Variants in ATP11B observed in about 807,000 individuals in gnomAD.
The protein encoded by ATP11B is phospholipid-transporting ATPase IF.
A neutral mutation model predicts 157.8 loss-of-function variants in ATP11B; 81 were observed. That is an observed-to-expected ratio of 0.51 (90% CI 0.43 to 0.62). The LOEUF is 0.62. Among genes scored for constraint, ATP11B ranks in the 20% least tolerant of loss-of-function variants. The probability of loss-of-function intolerance (pLI) is 0.00; values close to 1 mark genes in which losing one functional copy is unlikely to be tolerated. For synonymous variants in ATP11B, 451 were observed against 469.4 expected, an observed-to-expected ratio of 0.96 and a Z score of 0.51; for missense variants, 1,165 against 1,402.2, an observed-to-expected ratio of 0.83 and a Z score of 2.70.
intron 10 of ATP11B, among the ~76,000 whole-genome samples, chr3:182,854,780 CACACACACACACACACACA>C (rs1328927467): frequency 1.3e-5 from 2 of 149,680 alleles, no homozygotes; most frequent in East Asian, 2.0e-4. Context: ...CACACACACA[CACACACACACACACACACA>C]CCTGCCTACA....
At chr3:182,867,351 A>G (rs1321883115) in intron 14 of ATP11B, 25 bp from the exon 15 acceptor site, 5 of 1,463,206 alleles carry the variant, frequency 3.4e-6, no homozygotes, top group Non-Finnish European at 4.8e-6. Flanking sequence ...CTTAAGTCTC[A>G]CTTTTTTATC....
intron 4 of ATP11B, among the ~76,000 whole-genome samples, chr3:182,834,837 G>C (rs1718422547): frequency 6.6e-6 from 1 of 152,110 alleles, no homozygotes; most frequent in Non-Finnish European, 1.5e-5. Context: ...TCATGTATAA[G>C]TTTTGACTCT....
chr3:182,889,375 C>T, intron 24 of ATP11B, 35 bp from the exon 25 acceptor site: 1 of 1,413,732 alleles, frequency 7.1e-7, no homozygotes, highest in Non-Finnish European at 9.6e-7. Flanking sequence ...AATAAATGAT[C>T]CCTAATATGT....
At chr3:182,896,130 A>G (rs181310095) in intron 25 of ATP11B, among the ~76,000 whole-genome samples, 1 of 152,340 alleles carries the variant, frequency 6.6e-6, no homozygotes, top group East Asian at 1.9e-4. Context: ...ATACCTTAGT[A>G]AGTTTTGGCT....
intron 28 of ATP11B, among the ~76,000 whole-genome samples, chr3:182,904,767 T>TAC (rs1250553126): frequency 6.6e-5 from 10 of 151,670 alleles, no homozygotes; most frequent in Non-Finnish European, 1.5e-4. Flanking sequence ...CAGGCGCCTG[T>TAC]AACCCCAGCT....
intron 29 of ATP11B, chr3:182,914,253 C>A (rs1724996339): frequency 8.0e-7 from 1 of 1,243,618 alleles, no homozygotes; most frequent in Non-Finnish European, 1.0e-6. Flanking sequence ...CATAATCTTT[C>A]TAAAATGTGC....
chr3:182,879,746 C>A, intron 20 of ATP11B, 97 bp downstream of exon 20: 1 of 1,111,152 alleles, frequency 9.0e-7, no homozygotes, highest in Non-Finnish European at 1.2e-6. Flanking sequence ...TGGTGATGTG[C>A]AATATATACA....
At chr3:182,898,105 A>G (rs1196632868) in intron 27 of ATP11B, among the ~76,000 whole-genome samples, 1 of 152,112 alleles carries the variant, frequency 6.6e-6, no homozygotes, top group African/African-American at 2.4e-5. Flanking sequence ...TCTTATGAAT[A>G]TTTCTATATT....
chr3:182,822,801 A>C (rs1717455785), intron 2 of ATP11B, among the ~76,000 whole-genome samples: 1 of 152,100 alleles, frequency 6.6e-6, no homozygotes, highest in African/African-American at 2.4e-5. Flanking sequence ...CTTTTTAATG[A>C]TCGCCATTCT....
intron 2 of ATP11B, among the ~76,000 whole-genome samples, chr3:182,820,775 C>T (rs9876014): frequency 0.047 from 7,077 of 152,034 alleles, 549 homozygotes; most frequent in African/African-American, 0.16. Flanking sequence ...TTCAAGAAAA[C>T]GGTGGTCGAT....
At chr3:182,824,674 T>G (rs182949959) in intron 2 of ATP11B, among the ~76,000 whole-genome samples, 2 of 152,372 alleles carry the variant, frequency 1.3e-5, no homozygotes, top group East Asian at 1.9e-4. Flanking sequence ...TTAATGTTTT[T>G]GACCATATTT....
intron 4 of ATP11B, among the ~76,000 whole-genome samples, chr3:182,831,233 C>T (rs1164942565): frequency 6.6e-6 from 1 of 152,084 alleles, no homozygotes; most frequent in African/African-American, 2.4e-5. Flanking sequence ...TATTAAATGG[C>T]ACTACCATCC....
intron 1 of ATP11B, among the ~76,000 whole-genome samples, chr3:182,813,310 C>T (rs1026526375): frequency 1.3e-5 from 2 of 152,178 alleles, no homozygotes; most frequent in African/African-American, 4.8e-5. Flanking sequence ...TCCACAGTAG[C>T]TTCACCATTT....
intron 8 of ATP11B, chr3:182,844,521 T>A: frequency 5.1e-6 from 5 of 977,166 alleles, no homozygotes; most frequent in Non-Finnish European, 6.1e-6. Flanking sequence ...TAGTTATTCC[T>A]TGTCGTTTTA....
intron 18 of ATP11B, among the ~76,000 whole-genome samples, chr3:182,873,345 C>G (rs1315532088): frequency 6.6e-6 from 1 of 151,952 alleles, no homozygotes; most frequent in Non-Finnish European, 1.5e-5. Context: ...TTTTCATTTA[C>G]TTTTTGGTTG....
intron 12 of ATP11B, among the ~76,000 whole-genome samples, chr3:182,861,664 G>A (rs1369580633): frequency 2.0e-5 from 3 of 152,178 alleles, no homozygotes; most frequent in Non-Finnish European, 4.4e-5. Context: ...TTTTGATTAT[G>A]CTCAAATTGT....
At chr3:182,799,522 G>C (rs148701891) in intron 1 of ATP11B, among the ~76,000 whole-genome samples, 1 of 151,966 alleles carries the variant, frequency 6.6e-6, no homozygotes, top group Non-Finnish European at 1.5e-5. Context: ...TGATCCGCCC[G>C]CCTCGGCCTC....
chr3:182,914,946 C>T, intron 29 of ATP11B: 1 of 985,330 alleles, frequency 1.0e-6, no homozygotes, highest in Non-Finnish European at 1.2e-6. Flanking sequence ...TGTTGGTTGC[C>T]ATTGTCCCAA....
chr3:182,819,201 T>A (rs930885633), intron 1 of ATP11B, among the ~76,000 whole-genome samples: 2 of 151,536 alleles, frequency 1.3e-5, no homozygotes, highest in Non-Finnish European at 2.9e-5. Context: ...TCAGAGTAGC[T>A]GGGACTACAG....
Sources: allele counts gnomAD v4.1 joint callset (sites outside exome capture counted in the v4.1 genomes callset), GRCh38; gene constraint gnomAD v4.1.1; transcripts MANE v1.5; gene names NCBI Gene and HGNC (gene_info 2026-07-23, HGNC 2026-07-21).